The following BTAF1 variants were observed in gnomAD, a reference collection of about 807,000 sequenced individuals.
The protein encoded by BTAF1 is B-TFIID TATA-box binding protein associated factor 1, also known as TATA-binding protein-associated factor 172.
In BTAF1, 38 loss-of-function variants were observed where a neutral mutation model predicts 227.1. The observed-to-expected ratio is 0.17, with a 90% confidence interval of 0.13 to 0.22. The LOEUF is 0.22. BTAF1 is among the 10% of genes least tolerant of loss of function. The pLI is 1.00. For synonymous variants in BTAF1, 742 were observed against 751.9 expected, an observed-to-expected ratio of 0.99 and a Z score of 0.21; for missense variants, 1,598 against 2,204.0, an observed-to-expected ratio of 0.73 and a Z score of 5.51.
In BTAF1 at chr10:92,024,830, G is replaced by A. The variant is rs1367464337; in HGVS notation, c.4938G>A (p.Arg1646=). The A allele has an allele frequency of 6.2e-7, 1 of 1,613,486 alleles. No individual in the cohort carries two copies. Among genetic ancestry groups the A allele is most frequent in the East Asian group, 2.2e-5 (1 of 44,832 alleles). Residue 1646 remains arginine, a synonymous_variant, in exon 35 of 38, where the codon AGG becomes AGA. Transcript: ENST00000265990. ...CAGAGTCTGTTGTGGCCCAGCACAGGATACTGATATTCTGTCAGCTGAAAA... is the reference window on the plus strand; with the variant it reads ...CAGAGTCTGTTGTGGCCCAGCACAGAATACTGATATTCTGTCAGCTGAAAA... ...SGTESVVAQH[R]ILIFCQLKSM... is the part of the protein sequence containing the mutation.
At chr10:91,964,408 T>G (rs1846734228) in intron 13 of BTAF1, among the ~76,000 whole-genome samples, 1 of 152,184 alleles carries the variant, frequency 6.6e-6, no homozygotes, top group African/African-American at 2.4e-5. Flanking sequence ...TTTTTTACCC[T>G]TGAGATATTT....
chr10:91,951,254 G>C (rs1305237026), intron 4 of BTAF1, 149 bp from the exon 5 acceptor site: 5 of 782,046 alleles, frequency 6.4e-6, no homozygotes, highest in Non-Finnish European at 9.7e-6. Context: ...AGGTAACAGA[G>C]TTTATGAGAT....
intron 3 of BTAF1, 116 bp from the exon 4 acceptor site, chr10:91,942,306 G>A (rs1335546449): frequency 3.7e-6 from 1 of 266,882 alleles, no homozygotes; most frequent in Non-Finnish European, 7.2e-6. Context: ...GTTTGTGTGT[G>A]TGTGTGTGTG....
chr10:92,010,249 A>T (rs1423425310), intron 28 of BTAF1, among the ~76,000 whole-genome samples: 1 of 152,206 alleles, frequency 6.6e-6, no homozygotes, highest in Non-Finnish European at 1.5e-5. Flanking sequence ...GAGGCTTTGA[A>T]TACAGTCAGC....
chr10:92,019,131 G>A (rs1003209607), intron 34 of BTAF1, among the ~76,000 whole-genome samples, 196 bp downstream of exon 34: 8 of 152,102 alleles, frequency 5.3e-5, no homozygotes, highest in African/African-American at 1.7e-4. Context: ...CATTTTAAGT[G>A]TGTAAATCTG....
intron 36 of BTAF1, 102 bp downstream of exon 36, chr10:92,026,853 T>A: frequency 1.6e-6 from 2 of 1,263,032 alleles, no homozygotes; most frequent in Non-Finnish European, 2.2e-6. Context: ...GGTGTTAACA[T>A]ACATGTGTTA....
chr10:91,957,183 TAG>T, intron 7 of BTAF1, 40 bp from the exon 8 acceptor site: 1 of 1,493,510 alleles, frequency 6.7e-7, no homozygotes, highest in Non-Finnish European at 9.3e-7. Context: ...TAGCATAAAA[TAG>T]ACCTTTTGAA....
At chr10:92,015,194 G>C (rs2138701) in intron 32 of BTAF1, among the ~76,000 whole-genome samples, 11 of 152,082 alleles carry the variant, frequency 7.2e-5, no homozygotes, top group Non-Finnish European at 1.3e-4. Flanking sequence ...GGAATTTATT[G>C]TGAGCCTTTC....
At chr10:92,026,358 T>C (rs1200941611) in intron 35 of BTAF1, among the ~76,000 whole-genome samples, 1 of 152,216 alleles carries the variant, frequency 6.6e-6, no homozygotes, top group Non-Finnish European at 1.5e-5. Context: ...GTTACTAAAT[T>C]CAATGCAGTT....
At chr10:91,949,435 A>G (rs922974602) in intron 4 of BTAF1, among the ~76,000 whole-genome samples, 2 of 152,146 alleles carry the variant, frequency 1.3e-5, no homozygotes, top group Admixed American at 6.5e-5. Context: ...TTTGCTTTTA[A>G]TTTTGTCAGT....
intron 8 of BTAF1, among the ~76,000 whole-genome samples, chr10:91,957,604 T>A (rs534384934): frequency 6.6e-6 from 1 of 152,300 alleles, no homozygotes; most frequent in South Asian, 2.1e-4. Flanking sequence ...TTTTGATTGA[T>A]CAAGAGCAGT....
chr10:92,008,082 T>A, intron 25 of BTAF1, 41 bp from the exon 26 acceptor site: 1 of 1,503,974 alleles, frequency 6.6e-7, no homozygotes, highest in Non-Finnish European at 8.9e-7. Context: ...ATGAAAACTG[T>A]GAGTACGTAG....
intron 14 of BTAF1, among the ~76,000 whole-genome samples, chr10:91,976,208 A>G (rs1381567840): frequency 2.0e-5 from 3 of 152,220 alleles, no homozygotes; most frequent in Non-Finnish European, 4.4e-5. Context: ...GCCAGATGGA[A>G]GGAGATGCAC....
chr10:91,928,069 A>T (rs1843988911), intron 1 of BTAF1, among the ~76,000 whole-genome samples: 3 of 137,566 alleles, frequency 2.2e-5, no homozygotes, highest in African/African-American at 8.1e-5. Flanking sequence ...TCATCGGAAT[A>T]TTTTTTTCTT....
At chr10:91,986,355 A>G (rs1848392354) in intron 19 of BTAF1, among the ~76,000 whole-genome samples, 1 of 152,168 alleles carries the variant, frequency 6.6e-6, no homozygotes, top group African/African-American at 2.4e-5. Flanking sequence ...CTTTGTACTT[A>G]GTAAGTGCAT....
intron 25 of BTAF1, among the ~76,000 whole-genome samples, chr10:91,998,848 C>T (rs975153970): frequency 2.0e-4 from 31 of 151,906 alleles, no homozygotes; most frequent in African/African-American, 6.5e-4. Context: ...GTCAGGAGTT[C>T]GAAATTAGCC....
At chr10:91,987,125 T>C (rs1046791044) in intron 19 of BTAF1, among the ~76,000 whole-genome samples, 1 of 151,770 alleles carries the variant, frequency 6.6e-6, no homozygotes, top group Non-Finnish European at 1.5e-5. Context: ...TTTTTTTTTT[T>C]TTTTTGACAA....
In BTAF1 at chr10:92,018,940, G is replaced by A; in HGVS notation, c.4863+5G>A. The A allele has an allele frequency of 6.5e-7, 1 of 1,542,340 alleles. No individual in the cohort carries two copies. Among genetic ancestry groups the A allele is most frequent in the South Asian group, 1.3e-5 (1 of 78,264 alleles). On this transcript the variant is annotated splice_donor_5th_base_variant and intron_variant, in intron 34 of 37. Coordinates refer to ENST00000265990, the MANE Select transcript of BTAF1 (RefSeq NM_003972.3). Reference sequence around the variant, plus strand: ...AAGCTCTCAGCTTTGAAACAAGTATGTATGTCTTTTAAGTGTTAAATGTGT... The same window carrying A: ...AAGCTCTCAGCTTTGAAACAAGTATATATGTCTTTTAAGTGTTAAATGTGT...
intron 1 of BTAF1, chr10:91,935,057 G>T (rs926149882): frequency 2.0e-5 from 3 of 152,032 alleles, no homozygotes; most frequent in African/African-American, 7.2e-5. Context: ...TAGAGATTAG[G>T]CATCTCTTGT....
Sources: gnomAD v4.1 joint callset for allele counts (sites outside exome capture counted in the v4.1 genomes callset) on GRCh38, gnomAD v4.1.1 for gene constraint, MANE v1.5 for transcripts, NCBI Gene and HGNC (gene_info 2026-07-23, HGNC 2026-07-21) for gene names.